TBC1D5: variants seen among roughly 807,000 people sequenced by gnomAD.
The protein encoded by TBC1D5 is TBC1 domain family member 5, also known as TBC1 domain family, member 5.
A neutral mutation model predicts 100.3 loss-of-function variants in TBC1D5; 75 were observed. That is an observed-to-expected ratio of 0.75 (90% CI 0.62 to 0.91). TBC1D5 has a LOEUF of 0.91. Ranked by LOEUF, TBC1D5 falls within the 40% of genes least tolerant of loss-of-function variation. The pLI, the probability that TBC1D5 is intolerant of heterozygous loss-of-function variation, is 0.00. For missense variants in TBC1D5, 910 were observed against 942.4 expected (o/e 0.97, Z 0.45); for synonymous variants, 323 against 325.6 (o/e 0.99, Z 0.09).
At position 17,541,776 on chromosome 3, in the gene TBC1D5, A is replaced by C. The variant is rs1376136198; in HGVS notation, c.-35-33171T>G. ...TTCCATTGTTCCTGGTCTTAAAGAAAAAGTTTTCAGTCTTTCACCATTGAG... is the reference window on the plus strand; with the variant it reads ...TTCCATTGTTCCTGGTCTTAAAGAACAAGTTTTCAGTCTTTCACCATTGAG... On this transcript the variant is annotated intron_variant, in intron 2 of 21. Transcript: ENST00000253692. Among the ~76,000 whole-genome samples the C allele has an allele frequency of 8.5e-5, 13 of 152,198 alleles. No homozygotes were observed. The East Asian group carries it at 2.5e-3, about 29-fold the overall frequency.
intron 1 of TBC1D5, among the ~76,000 whole-genome samples, chr3:17,707,514 T>A (rs966828353): frequency 6.6e-6 from 1 of 152,110 alleles, no homozygotes; most frequent in African/African-American, 2.4e-5. Flanking sequence ...CTTTACAACA[T>A]CAACAAAATC....
intron 1 of TBC1D5, among the ~76,000 whole-genome samples, chr3:17,675,532 T>C (rs755916128): frequency 1.3e-5 from 2 of 152,148 alleles, no homozygotes; most frequent in Admixed American, 6.5e-5. Flanking sequence ...CAGGGTCTTG[T>C]ATGTACTCAA....
rs1267373197 is a variant in TBC1D5, at chr3:17,475,143, A to G, written c.97+33331T>C. On this transcript the variant is annotated intron_variant, in intron 3 of 21. Coordinates refer to ENST00000253692, the Ensembl canonical transcript of TBC1D5. ...ATCAAACTCTCATTTACTAATCTCTACATGTTAAGAGTATCCGGTGGTTCT... is the reference window on the plus strand; with the variant it reads ...ATCAAACTCTCATTTACTAATCTCTGCATGTTAAGAGTATCCGGTGGTTCT... Among the ~76,000 whole-genome samples, 6 of 152,002 alleles carry G rather than the reference A, an allele frequency of 3.9e-5. 1 individual carries two copies. In the South Asian group the frequency reaches 6.2e-4, roughly 16 times the overall value.
intron 2 of TBC1D5, among the ~76,000 whole-genome samples, chr3:17,559,711 T>A (rs1242919999): frequency 6.6e-6 from 1 of 151,858 alleles, no homozygotes; most frequent in East Asian, 1.9e-4. Flanking sequence ...TGCCTCAGCC[T>A]CCCGAGTAGC....
chr3:17,371,317 C>T (rs1213406064), intron 13 of TBC1D5, among the ~76,000 whole-genome samples: 1 of 152,152 alleles, frequency 6.6e-6, no homozygotes, highest in African/African-American at 2.4e-5. Context: ...TTGGGGCTGG[C>T]TCCATGCATG....
intron 15 of TBC1D5, 144 bp downstream of exon 15, chr3:17,291,751 G>T: frequency 3.0e-6 from 2 of 671,216 alleles, no homozygotes; most frequent in Non-Finnish European, 2.4e-6. Context: ...TATGGGTTTT[G>T]GCCTACAACT....
At chr3:17,523,985 A>G (rs1462027585) in intron 2 of TBC1D5, among the ~76,000 whole-genome samples, 4 of 152,194 alleles carry the variant, frequency 2.6e-5, no homozygotes. Flanking sequence ...TGATTTTTTA[A>G]AAGGTTCAGA....
At chr3:17,698,721 A>T (rs1214138400) in intron 1 of TBC1D5, among the ~76,000 whole-genome samples, 2 of 150,628 alleles carry the variant, frequency 1.3e-5, no homozygotes, top group Admixed American at 6.6e-5. Flanking sequence ...ACCCCATCAA[A>T]AAGTGGGCAA....
intron 15 of TBC1D5, among the ~76,000 whole-genome samples, chr3:17,269,491 CTTCAAT>C (rs895466944): frequency 2.8e-4 from 42 of 152,190 alleles, no homozygotes; most frequent in African/African-American, 1.0e-3. Context: ...TCTTCTTTAA[CTTCAAT>C]TTTTATTTTA....
At chr3:17,468,012 C>T (rs955163494) in intron 3 of TBC1D5, among the ~76,000 whole-genome samples, 8 of 152,156 alleles carry the variant, frequency 5.3e-5, no homozygotes, top group South Asian at 4.1e-4. Context: ...GAAAGAATAA[C>T]GTTAAAAGAA....
At chr3:17,362,885 A>G (rs1345429488) in intron 13 of TBC1D5, among the ~76,000 whole-genome samples, 3 of 152,196 alleles carry the variant, frequency 2.0e-5, no homozygotes, top group Non-Finnish European at 4.4e-5. Flanking sequence ...CAATGGTAAC[A>G]TCCTGCAAAA....
intron 13 of TBC1D5, among the ~76,000 whole-genome samples, chr3:17,367,556 G>A (rs1251132299): frequency 1.3e-5 from 2 of 152,018 alleles, no homozygotes; most frequent in Non-Finnish European, 2.9e-5. Context: ...GCAAACAAAA[G>A]ACAACTCAAT....
At chr3:17,592,849 T>A (rs1224666679) in intron 2 of TBC1D5, among the ~76,000 whole-genome samples, 1 of 152,154 alleles carries the variant, frequency 6.6e-6, no homozygotes, top group Admixed American at 6.5e-5. Flanking sequence ...ATAACTACTC[T>A]CCTTTTGAGA....
intron 4 of TBC1D5, among the ~76,000 whole-genome samples, chr3:17,415,615 T>G (rs1482504698): frequency 6.6e-6 from 1 of 152,086 alleles, no homozygotes; most frequent in African/African-American, 2.4e-5. Context: ...CTTTTTGATT[T>G]TATAACAAGC....
In TBC1D5 at chr3:17,732,133, T is replaced by C. The variant is rs562343811; in HGVS notation, c.-101+7210A>G. Among the ~76,000 whole-genome samples the C allele has an allele frequency of 9.7e-4, 148 of 151,900 alleles. 2 individuals carry two copies. The highest frequency in any genetic ancestry group is 1.7e-3 in the Non-Finnish European group (113 of 67,930). ...AGGAGTTAGAAACCAGCCTGGCCAA[T>C]GTGGTGAAACCCCATCTCTACTAAA... On this transcript the variant is annotated intron_variant, in intron 1 of 21. Coordinates refer to ENST00000253692, the Ensembl canonical transcript of TBC1D5.
intron 15 of TBC1D5, among the ~76,000 whole-genome samples, chr3:17,280,038 C>T (rs994497635): frequency 1.3e-5 from 2 of 152,178 alleles, no homozygotes; most frequent in African/African-American, 4.8e-5. Flanking sequence ...CTATTCATCC[C>T]ATCCATTCAC....
chr3:17,387,121 G>A (rs1418543126), intron 8 of TBC1D5, among the ~76,000 whole-genome samples: 2 of 152,030 alleles, frequency 1.3e-5, no homozygotes, highest in African/African-American at 2.4e-5. Flanking sequence ...CCATTGCATC[G>A]AATAAGTAAG....
chr3:17,393,931 A>G (rs1013276315), intron 8 of TBC1D5, among the ~76,000 whole-genome samples: 1 of 152,212 alleles, frequency 6.6e-6, no homozygotes, highest in Non-Finnish European at 1.5e-5. Flanking sequence ...CTTCATGACT[A>G]ATACACCAAA....
intron 3 of TBC1D5, among the ~76,000 whole-genome samples, chr3:17,452,597 T>C (rs2094953402): frequency 6.6e-6 from 1 of 152,074 alleles, no homozygotes; most frequent in Non-Finnish European, 1.5e-5. Context: ...AAAGGGTCAA[T>C]TCACAGGAAG....
Sources: allele counts gnomAD v4.1 joint callset (sites outside exome capture counted in the v4.1 genomes callset), GRCh38; gene constraint gnomAD v4.1.1; transcripts MANE v1.5; gene names NCBI Gene and HGNC (gene_info 2026-07-23, HGNC 2026-07-21).